The following SMARCC2 variants were observed in gnomAD, a reference collection of about 807,000 sequenced individuals.
The protein encoded by SMARCC2 is SWI/SNF complex subunit SMARCC2.
A neutral mutation model predicts 151.3 loss-of-function variants in SMARCC2; 15 were observed. The observed-to-expected ratio is 0.10, with a 90% CI of 0.07 to 0.15. The LOEUF (loss-of-function observed/expected upper bound fraction) is 0.15, where lower values mean the gene tolerates loss of function less well. SMARCC2 is among the 10% of genes least tolerant of loss of function. The probability of loss-of-function intolerance (pLI) is 1.00; values close to 1 mark genes in which losing one functional copy is unlikely to be tolerated. For synonymous variants in SMARCC2, 590 were observed against 609.5 expected (o/e 0.97, Z 0.47); for missense variants, 1,031 against 1,599.7 (o/e 0.64, Z 6.06).
chr12:56,172,872 C>T (rs1456753531), intron 18 of SMARCC2, 65 bp downstream of exon 18: 18 of 1,589,248 alleles, frequency 1.1e-5, no homozygotes, highest in African/African-American at 2.7e-5. Flanking sequence ...GTCTCTTCTT[C>T]CCGGGCAGGG....
At position 56,181,473 on chromosome 12, in the gene SMARCC2, C is replaced by T. The variant is rs919880567; in HGVS notation, c.956+9G>A. On this transcript the variant is annotated intron_variant, in intron 10 of 28. Coordinates refer to ENST00000550164, the MANE Select transcript of SMARCC2 (RefSeq NM_001330288.2). ...GGTGAACACGGGGGCAGGCTAGGGGCTGGCACACCCTTTCTTAGCATTTTT... is the reference window on the plus strand; with the variant it reads ...GGTGAACACGGGGGCAGGCTAGGGGTTGGCACACCCTTTCTTAGCATTTTT... 2.7e-6 allele frequency: 4 copies of T among 1,467,868 alleles called. No individual in the cohort carries two copies. The highest frequency in any genetic ancestry group is 3.7e-6 in the Non-Finnish European group (4 of 1,086,792). 90.9% of individuals were successfully genotyped at this position (1,467,868 alleles called of 1,614,324 possible).
intron 15 of SMARCC2, among the ~76,000 whole-genome samples, chr12:56,176,644 ATT>A (rs1177725229): frequency 9.6e-6 from 1 of 104,202 alleles, no homozygotes; most frequent in Non-Finnish European, 2.0e-5. Context: ...CGCCCAGCTA[ATT>A]TTTTTTTTTT....
chr12:56,176,979 G>A (rs903310898), intron 15 of SMARCC2, among the ~76,000 whole-genome samples: 3 of 151,980 alleles, frequency 2.0e-5, no homozygotes, highest in African/African-American at 4.8e-5. Flanking sequence ...GTGCCACCAC[G>A]CCCAGCTAGT....
At chr12:56,180,146 T>C (rs533525321) in intron 11 of SMARCC2, among the ~76,000 whole-genome samples, 1 of 152,138 alleles carries the variant, frequency 6.6e-6, no homozygotes, top group African/African-American at 2.4e-5. Context: ...TCTCGCCCTG[T>C]TGCCCAGGCT....
At chr12:56,185,930 G>A in intron 3 of SMARCC2, 1 of 531,080 alleles carries the variant, frequency 1.9e-6, no homozygotes, top group Non-Finnish European at 3.3e-6. Flanking sequence ...GCCAACCTAA[G>A]AATCCCTTTT....
In SMARCC2 at chr12:56,181,105, G is replaced by A. The variant is rs938371866; in HGVS notation, c.957-4C>T. The A allele has an allele frequency of 6.2e-7, 1 of 1,609,292 alleles. No individual in the cohort carries two copies. The highest frequency in any genetic ancestry group is 1.7e-5 in the Admixed American group (1 of 58,116). Reference sequence around the variant, plus strand: ...CTTAGTGTAAGGTGTTGAGGGACTGGGAAGGAAAGAGAGTGAAAGAGAACC... The same window carrying A: ...CTTAGTGTAAGGTGTTGAGGGACTGAGAAGGAAAGAGAGTGAAAGAGAACC... On this transcript the variant is annotated splice_polypyrimidine_tract_variant and splice_region_variant and intron_variant, in intron 10 of 28. Transcript: ENST00000550164.
chr12:56,165,271 C>G lies in SMARCC2; in HGVS notation c.3232+47G>C, dbSNP rs114833874. The G allele has an allele frequency of 6.2e-4, 897 of 1,454,066 alleles. 6 individuals are homozygous for G. The African/African-American group carries it at 0.011, about 19-fold the overall frequency. The allele number at this position is 1,454,066 out of a possible 1,614,324, so 90.1% of individuals were successfully genotyped here. ...CCCCTTTGAGGAGAACTGGGACATTCACCTGGATTCCTCTAGCCAACAAAA... is the reference window on the plus strand; with the variant it reads ...CCCCTTTGAGGAGAACTGGGACATTGACCTGGATTCCTCTAGCCAACAAAA... On this transcript the variant is annotated intron_variant, in intron 27 of 28. Transcript: ENST00000550164.
chr12:56,166,185 A>C (rs1264064987), intron 26 of SMARCC2, among the ~76,000 whole-genome samples: 1 of 152,210 alleles, frequency 6.6e-6, no homozygotes, highest in Non-Finnish European at 1.5e-5. Flanking sequence ...TCTGTCACCC[A>C]GGCTGGAGTA....
rs1428535242 is a variant in SMARCC2, at chr12:56,171,972, T to C, written c.1927-35A>G. The C allele has an allele frequency of 6.4e-7, 1 of 1,554,464 alleles. No homozygotes were observed. Among genetic ancestry groups the C allele is most frequent in the Non-Finnish European group, 8.7e-7 (1 of 1,148,792 alleles). ...GTGGTGGAGACATAACTCCGCTTAC[T>C]TAGCCACTTTTCTCGAAGGCTGACT... On this transcript the variant is annotated intron_variant, in intron 20 of 28. Transcript: ENST00000550164. This position sits in a 1 kb window ranked among gnomAD's most constrained non-coding sequence, Gnocchi z 4.2.
At position 56,172,440 on chromosome 12, in the gene SMARCC2, C is replaced by T. The variant is rs1377708009; in HGVS notation, c.1914G>A (p.Leu638=). ...TTGCCCCAATTACCTCCAGGAGAAG[C>T]AGGGTTTCCTGTTCTGTCCACTCAC... ...ATREWTEQET[L]LLLEALEMYK... The change falls in exon 20 of 29, where the codon CTG becomes CTA. Residue 638 remains leucine, a synonymous_variant. Coordinates refer to ENST00000550164, the MANE Select transcript of SMARCC2 (RefSeq NM_001330288.2). The T allele has an allele frequency of 6.4e-7, 1 of 1,571,234 alleles. No homozygotes were observed. The highest frequency in any genetic ancestry group is 1.4e-5 in the African/African-American group (1 of 72,914).
intron 3 of SMARCC2, 122 bp downstream of exon 3, chr12:56,186,033 G>T: frequency 1.3e-6 from 1 of 749,112 alleles, no homozygotes; most frequent in Non-Finnish European, 2.3e-6. Context: ...AGTAAGTCAG[G>T]TCTACTGACC....
At chr12:56,174,533 A>G in intron 16 of SMARCC2, 118 bp downstream of exon 16, 1 of 680,340 alleles carries the variant, frequency 1.5e-6, no homozygotes, top group Non-Finnish European at 2.7e-6. Flanking sequence ...ACCTTTCTCT[A>G]GAGGTGCTTT....
At chr12:56,187,418 C>T (rs1216040155) in intron 1 of SMARCC2, 112 bp from the exon 2 acceptor site, 9 of 990,190 alleles carry the variant, frequency 9.1e-6, no homozygotes, top group Non-Finnish European at 3.0e-6. Flanking sequence ...GAAAATAGTG[C>T]CCTTCTCCCC....
intron 7 of SMARCC2, chr12:56,183,369 T>C (rs1876629732): frequency 1.3e-5 from 2 of 151,854 alleles, no homozygotes; most frequent in Admixed American, 1.3e-4. Flanking sequence ...GGTTTCAGCA[T>C]GTTGGCCAGG....
intron 17 of SMARCC2, 78 bp from the exon 18 acceptor site, chr12:56,173,107 T>C (rs1461139584): frequency 2.0e-5 from 26 of 1,318,532 alleles, no homozygotes; most frequent in South Asian, 4.8e-5. Flanking sequence ...CAAGACCATA[T>C]GCTGGGCGGC....
rs534045096 is a variant in SMARCC2 at position 56,166,792 on chromosome 12, G to A, written c.2851-1093C>T. Among the ~76,000 whole-genome samples the A allele has an allele frequency of 4.6e-5, 7 of 152,166 alleles. No individual in the cohort carries two copies. In the East Asian group the frequency reaches 7.7e-4, roughly 17 times the overall value. ...TTTAAAAAATGTTTGGGCTGGGCAC[G>A]GTGGCTCATGCCTGAAATCCCAGCG... On this transcript the variant is annotated intron_variant, in intron 26 of 28. Coordinates refer to ENST00000550164, the MANE Select transcript of SMARCC2 (RefSeq NM_001330288.2).
chr12:56,166,256 C>T (rs1872748480), intron 26 of SMARCC2, among the ~76,000 whole-genome samples: 1 of 152,138 alleles, frequency 6.6e-6, no homozygotes, highest in South Asian at 2.1e-4. Context: ...ATTCTCCTGC[C>T]TCAGCCTCCC....
In SMARCC2 at chr12:56,171,367, C is replaced by G. The variant is rs140670910; in HGVS notation, c.2251G>C (p.Glu751Gln). 6.2e-7 allele frequency: 1 copy of G among 1,614,100 alleles called. No homozygotes were observed. The highest frequency in any genetic ancestry group is 8.5e-7 in the Non-Finnish European group (1 of 1,180,054). Reference sequence around the variant, plus strand: ...TTGCCTGTTACTTTGGCTGCTTCTTCCACTTTTCGAACATGGGCCTCCACC... The same window carrying G: ...TTGCCTGTTACTTTGGCTGCTTCTTGCACTTTTCGAACATGGGCCTCCACC... ...ALVEAHVRKVEEAAKVTGKAD... is the reference protein window; with the variant it reads ...ALVEAHVRKVQEAAKVTGKAD... The change falls in exon 22 of 29, where the codon GAA becomes CAA. Residue 751 changes from glutamate to glutamine, a missense_variant. By Grantham distance (29) the Glu-to-Gln change is conservative (BLOSUM62 2). Around this residue, in one of 12 missense-constraint regions of SMARCC2, gnomAD observed 119 missense variants for 184.2 expected, o/e 0.65. Coordinates refer to ENST00000550164, the MANE Select transcript of SMARCC2 (RefSeq NM_001330288.2). The surrounding 1 kb of genome is among the most constrained non-coding windows in gnomAD (Gnocchi z 4.2).
At chr12:56,184,957 A>G (rs559142595) in intron 4 of SMARCC2, 21 bp from the exon 5 acceptor site, 111 of 1,603,014 alleles carry the variant, frequency 6.9e-5, no homozygotes, top group Admixed American at 1.7e-4. Context: ...AAGAAATAGA[A>G]TGAGATTATA....
Sources: gnomAD v4.1 joint callset for allele counts (sites outside exome capture counted in the v4.1 genomes callset) on GRCh38, gnomAD v4.1.1 for gene constraint, gnomAD v4.1.1 regional missense constraint, Gnocchi (gnomAD v3.1) non-coding constraint, MANE v1.5 for transcripts, NCBI Gene and HGNC (gene_info 2026-07-23, HGNC 2026-07-21) for gene names.